The following HS6ST3 variants were observed in gnomAD, a reference collection of about 807,000 sequenced individuals.
HS6ST3 encodes the protein heparan sulfate 6-O-sulfotransferase 3.
In HS6ST3, 12 loss-of-function variants were observed where a neutral mutation model predicts 36.7. That is an observed-to-expected ratio of 0.33 (90% confidence interval 0.21 to 0.53). The LOEUF is 0.53. Among genes scored for constraint, HS6ST3 ranks in the 20% least tolerant of loss-of-function variants. The pLI is 0.95. For synonymous variants in HS6ST3, 240 were observed against 257.5 expected (o/e 0.93, Z 0.65); for missense variants, 584 against 640.9 (o/e 0.91, Z 0.96).
intron 1 of HS6ST3, among the ~76,000 whole-genome samples, chr13:96,484,188 T>A (rs1454367281): frequency 6.6e-6 from 1 of 152,096 alleles, no homozygotes; most frequent in Non-Finnish European, 1.5e-5. Context: ...ATTGTATATG[T>A]TTAAAGTGTA....
chr13:96,151,759 C>T (rs748579473), intron 1 of HS6ST3, among the ~76,000 whole-genome samples: 10 of 152,222 alleles, frequency 6.6e-5, no homozygotes, highest in Admixed American at 2.6e-4. Flanking sequence ...TGGTGTTGGC[C>T]GGCAATCTTG....
intron 1 of HS6ST3, among the ~76,000 whole-genome samples, chr13:96,611,086 TTTTC>T (rs2056455701): frequency 6.6e-6 from 1 of 150,580 alleles, no homozygotes; most frequent in South Asian, 2.1e-4. Flanking sequence ...TTTCCTTTTG[TTTTC>T]TTTATTTTCT....
chr13:96,766,841 AG>A (rs753038781), intron 1 of HS6ST3, among the ~76,000 whole-genome samples: 7 of 152,228 alleles, frequency 4.6e-5, no homozygotes, highest in Non-Finnish European at 8.8e-5. Context: ...AATTATAGAC[AG>A]TACTAACTTT....
At chr13:96,711,292 C>T (rs1422793301) in intron 1 of HS6ST3, among the ~76,000 whole-genome samples, 1 of 152,180 alleles carries the variant, frequency 6.6e-6, no homozygotes, top group Non-Finnish European at 1.5e-5. Context: ...CCAGAACACC[C>T]AGCAGTCATA....
intron 1 of HS6ST3, among the ~76,000 whole-genome samples, chr13:96,632,355 C>G (rs2056535044): frequency 6.6e-6 from 1 of 151,260 alleles, no homozygotes; most frequent in South Asian, 2.1e-4. Flanking sequence ...TTTTTTCTGA[C>G]CCATTCTAGG....
chr13:96,445,003 T>C (rs561351084), intron 1 of HS6ST3, among the ~76,000 whole-genome samples: 16 of 152,128 alleles, frequency 1.1e-4, no homozygotes, highest in African/African-American at 3.9e-4. Flanking sequence ...GAAGGAGAAA[T>C]TGTTAAAAAA....
At chr13:96,330,855 C>T (rs1157196626) in intron 1 of HS6ST3, among the ~76,000 whole-genome samples, 1 of 150,352 alleles carries the variant, frequency 6.7e-6, no homozygotes, top group Admixed American at 6.6e-5. Flanking sequence ...CACATAGTCC[C>T]ATATTTCTTG....
chr13:96,202,995 A>G (rs1328036577), intron 1 of HS6ST3, among the ~76,000 whole-genome samples: 4 of 152,100 alleles, frequency 2.6e-5, no homozygotes, highest in Non-Finnish European at 4.4e-5. Flanking sequence ...TCTTCAACTC[A>G]TTCACTCACT....
At chr13:96,218,775 T>C (rs774924830) in intron 1 of HS6ST3, among the ~76,000 whole-genome samples, 1 of 152,198 alleles carries the variant, frequency 6.6e-6, no homozygotes, top group Non-Finnish European at 1.5e-5. Context: ...TTCCTGCTGC[T>C]GGACTGAGTC....
chr13:96,265,193 T>C (rs1190861796), intron 1 of HS6ST3, among the ~76,000 whole-genome samples: 1 of 152,094 alleles, frequency 6.6e-6, no homozygotes, highest in Non-Finnish European at 1.5e-5. Flanking sequence ...CTTTTTTTTT[T>C]CCAGACAGGG....
At chr13:96,606,729 A>T (rs1183391008) in intron 1 of HS6ST3, among the ~76,000 whole-genome samples, 1 of 152,112 alleles carries the variant, frequency 6.6e-6, no homozygotes, top group Non-Finnish European at 1.5e-5. Flanking sequence ...GTGTTCCCAC[A>T]TGACAGATCT....
intron 1 of HS6ST3, among the ~76,000 whole-genome samples, chr13:96,237,129 C>T (rs980759681): frequency 1.3e-5 from 2 of 152,174 alleles, no homozygotes; most frequent in Admixed American, 6.5e-5. Context: ...CAATTTACCT[C>T]TCACTGGGTC....
intron 1 of HS6ST3, among the ~76,000 whole-genome samples, chr13:96,554,503 A>C (rs2056231953): frequency 6.6e-6 from 1 of 152,188 alleles, no homozygotes; most frequent in African/African-American, 2.4e-5. Flanking sequence ...ACCAATGTTC[A>C]CTGTATAAAT....
intron 1 of HS6ST3, among the ~76,000 whole-genome samples, chr13:96,689,496 G>A (rs147405780): frequency 2.6e-5 from 4 of 152,050 alleles, no homozygotes; most frequent in Non-Finnish European, 4.4e-5. Flanking sequence ...GAAAAAAAGG[G>A]CAGGTGCATC....
chr13:96,182,603 C>T (rs567425405), intron 1 of HS6ST3, among the ~76,000 whole-genome samples: 4 of 152,268 alleles, frequency 2.6e-5, no homozygotes, highest in African/African-American at 7.2e-5. Flanking sequence ...ACTATATTGT[C>T]GTTACTTTGC....
At chr13:96,149,014 G>T (rs901413654) in intron 1 of HS6ST3, among the ~76,000 whole-genome samples, 9 of 152,128 alleles carry the variant, frequency 5.9e-5, no homozygotes, top group Admixed American at 2.6e-4. Context: ...AAATTCAGTT[G>T]TCTTTAAAGA....
At chr13:96,204,802 C>T (rs915737403) in intron 1 of HS6ST3, among the ~76,000 whole-genome samples, 2 of 152,038 alleles carry the variant, frequency 1.3e-5, no homozygotes, top group Non-Finnish European at 2.9e-5. Flanking sequence ...CTAATGAGAA[C>T]AGAGACAACA....
At chr13:96,457,120 C>T (rs2055757921) in intron 1 of HS6ST3, among the ~76,000 whole-genome samples, 1 of 152,100 alleles carries the variant, frequency 6.6e-6, no homozygotes, top group Non-Finnish European at 1.5e-5. Flanking sequence ...GAATGACCCT[C>T]ATTAGAATCC....
At chr13:96,799,986 A>ATATATATATGTG (rs1555325255) in intron 1 of HS6ST3, among the ~76,000 whole-genome samples, 3 of 124,296 alleles carry the variant, frequency 2.4e-5, no homozygotes, top group South Asian at 2.3e-4. Flanking sequence ...ATATATGTAT[A>ATATATATATGTG]TATATATATA....
Sources: gnomAD v4.1 joint callset for allele counts (sites outside exome capture counted in the v4.1 genomes callset) on GRCh38, gnomAD v4.1.1 for gene constraint, MANE v1.5 for transcripts, NCBI Gene and HGNC (gene_info 2026-07-23, HGNC 2026-07-21) for gene names.